The following GPC3 variants were observed in gnomAD, a reference collection of about 807,000 sequenced individuals.
The protein encoded by GPC3 is glypican-3.
A neutral mutation model predicts 34.4 loss-of-function variants in GPC3; 3 were observed. That is an observed-to-expected ratio of 0.09 (90% confidence interval 0.04 to 0.23). The LOEUF is 0.23. Among genes scored for constraint, GPC3 ranks in the 10% least tolerant of loss-of-function variants. The pLI is 1.00. For missense variants in GPC3, 351 were observed against 445.6 expected (o/e 0.79, Z 1.91); for synonymous variants, 177 against 174.0 (o/e 1.02, Z -0.13).
At chrX:133,716,524 T>C (rs2124451058) in intron 3 of GPC3, among the ~76,000 whole-genome samples, 1 of 112,207 alleles carries the variant, frequency 8.9e-6, no homozygotes, top group Admixed American at 9.4e-5. Context: ...AAAATTGTAA[T>C]AACTAAAATT....
intron 7 of GPC3, among the ~76,000 whole-genome samples, chrX:133,582,437 G>A (rs766196496): frequency 2.9e-3 from 322 of 111,386 alleles, no homozygotes; most frequent in Admixed American, 8.4e-3. Flanking sequence ...AGGAATACAA[G>A]GCAGAGACAC....
Position 133,806,026 on chromosome X carries a change from G to A in GPC3, c.338-51850C>T, listed in dbSNP as rs185910498. 3.6e-3 allele frequency among the ~76,000 whole-genome samples: 403 copies of A among 112,116 alleles called. 4 individuals are homozygous for A. Among genetic ancestry groups the A allele is most frequent in the Non-Finnish European group, 5.7e-3 (302 of 53,182 alleles). The stretch of plus-strand genomic sequence containing the variant: ...TATATTTAGTAGCCAGTTATATGTG[G>A]AAAATACAAAACCTGATCCTCTGGA... On this transcript the variant is annotated intron_variant, in intron 2 of 7. Coordinates refer to ENST00000370818, the MANE Select transcript of GPC3 (RefSeq NM_004484.4).
At chrX:133,593,794 G>T (rs2124327625) in intron 7 of GPC3, among the ~76,000 whole-genome samples, 1 of 110,985 alleles carries the variant, frequency 9.0e-6, no homozygotes, top group African/African-American at 3.3e-5. Context: ...GTGAAGGGGG[G>T]AATAGAAAGG....
intron 2 of GPC3, among the ~76,000 whole-genome samples, chrX:133,895,810 A>G (rs192280574): frequency 7.0e-4 from 78 of 111,053 alleles, no homozygotes; most frequent in African/African-American, 2.4e-3. Context: ...TATCCACCCC[A>G]ATCAATCATG....
intron 3 of GPC3, among the ~76,000 whole-genome samples, chrX:133,711,932 G>A (rs1366486829): frequency 3.1e-4 from 35 of 111,784 alleles, no homozygotes; most frequent in Non-Finnish European, 1.1e-4. Flanking sequence ...TAGAAGTTTT[G>A]TATCTATGTG....
chrX:133,653,738 G>C (rs1223526415), intron 6 of GPC3, among the ~76,000 whole-genome samples: 3 of 112,353 alleles, frequency 2.7e-5, no homozygotes, highest in African/African-American at 9.7e-5. Flanking sequence ...TAATTAGCAA[G>C]TTCATGATTC....
intron 2 of GPC3, among the ~76,000 whole-genome samples, chrX:133,797,557 C>T (rs754413959): frequency 9.0e-6 from 1 of 111,438 alleles, no homozygotes; most frequent in South Asian, 3.8e-4. Context: ...GGGCCAAGTG[C>T]GGTGGCTCCA....
chrX:133,846,790 A>G (rs2124555862), intron 2 of GPC3, among the ~76,000 whole-genome samples: 1 of 112,171 alleles, frequency 8.9e-6, no homozygotes, highest in South Asian at 3.7e-4. Context: ...TGTGCCTGTT[A>G]GTTATAGATG....
At chrX:133,732,456 G>A (rs1490222583) in intron 3 of GPC3, among the ~76,000 whole-genome samples, 1 of 111,462 alleles carries the variant, frequency 9.0e-6, no homozygotes, top group Admixed American at 9.5e-5. Context: ...GGATAGGCAT[G>A]GAATTAATTG....
chrX:133,812,407 T>C (rs2075670245), intron 2 of GPC3, among the ~76,000 whole-genome samples: 1 of 112,258 alleles, frequency 8.9e-6, no homozygotes, highest in African/African-American at 3.2e-5. Context: ...TATACAGATA[T>C]ACAGATGTGT....
intron 5 of GPC3, among the ~76,000 whole-genome samples, chrX:133,679,900 C>T (rs1285686122): frequency 9.0e-6 from 1 of 111,666 alleles, no homozygotes; most frequent in African/African-American, 3.3e-5. Context: ...AGGCAATCCA[C>T]CCACCTTGGC....
intron 2 of GPC3, among the ~76,000 whole-genome samples, chrX:133,844,946 C>T (rs1193594503): frequency 1.8e-5 from 2 of 111,485 alleles, no homozygotes; most frequent in African/African-American, 3.3e-5. Context: ...AGAAAAAATA[C>T]CTAATCCAGG....
At chrX:133,569,910 G>C (rs1411306035) in intron 7 of GPC3, among the ~76,000 whole-genome samples, 1 of 91,904 alleles carries the variant, frequency 1.1e-5, no homozygotes, top group African/African-American at 4.2e-5. Context: ...TTTTTTTTTT[G>C]AGATGGAGTC....
intron 2 of GPC3, among the ~76,000 whole-genome samples, chrX:133,902,547 A>G (rs890923961): frequency 1.1e-4 from 12 of 110,938 alleles, no homozygotes; most frequent in African/African-American, 3.3e-4. Flanking sequence ...ACACGGTGAA[A>G]CCTCGTCTCT....
intron 2 of GPC3, among the ~76,000 whole-genome samples, chrX:133,946,782 G>C (rs1173400181): frequency 9.0e-6 from 1 of 111,085 alleles, no homozygotes; most frequent in Non-Finnish European, 1.9e-5. Flanking sequence ...AGACAACTGA[G>C]ACCGATGGGG....
At chrX:133,719,194 A>C (rs1242745803) in intron 3 of GPC3, among the ~76,000 whole-genome samples, 3 of 111,723 alleles carry the variant, frequency 2.7e-5, no homozygotes, top group Non-Finnish European at 5.6e-5. Flanking sequence ...GTTGGGCCAC[A>C]AAACGAGTCT....
At chrX:133,930,013 A>C (rs1285458487) in intron 2 of GPC3, among the ~76,000 whole-genome samples, 1 of 112,068 alleles carries the variant, frequency 8.9e-6, no homozygotes, top group Non-Finnish European at 1.9e-5. Flanking sequence ...TTCCCACACT[A>C]TACAAAGAGC....
intron 7 of GPC3, among the ~76,000 whole-genome samples, chrX:133,571,120 T>C (rs2069624915): frequency 8.9e-6 from 1 of 112,169 alleles, no homozygotes; most frequent in Admixed American, 9.5e-5. Context: ...TTGATGTTTA[T>C]TTGTATTACC....
At chrX:133,627,690 G>C (rs773233884) in intron 6 of GPC3, among the ~76,000 whole-genome samples, 1 of 112,459 alleles carries the variant, frequency 8.9e-6, no homozygotes, top group Non-Finnish European at 1.9e-5. Context: ...TATATGTTTT[G>C]ATCCGCAGGT....
Sources: allele counts gnomAD v4.1 joint callset (sites outside exome capture counted in the v4.1 genomes callset), GRCh38; gene constraint gnomAD v4.1.1; transcripts MANE v1.5; gene names NCBI Gene and HGNC (gene_info 2026-07-23, HGNC 2026-07-21).